NKAIN3: variants seen among roughly 807,000 people sequenced by gnomAD.
NKAIN3 encodes sodium/potassium transporting ATPase interacting 3.
In NKAIN3, 25 loss-of-function variants were observed where a neutral mutation model predicts 30.2. The ratio of observed to expected loss-of-function variants is 0.83; its 90% CI spans 0.60 to 1.16. The LOEUF (loss-of-function observed/expected upper bound fraction) is 1.16, where lower values mean the gene tolerates loss of function less well. Ranked by LOEUF, NKAIN3 falls within the 50% of genes most tolerant of loss-of-function variation. The pLI is 0.00. For synonymous variants in NKAIN3, 91 were observed against 89.6 expected (o/e 1.02, Z -0.09); for missense variants, 225 against 254.1 (o/e 0.89, Z 0.78).
intron 3 of NKAIN3, among the ~76,000 whole-genome samples, chr8:62,617,889 T>C (rs745492289): frequency 2.0e-5 from 3 of 152,222 alleles, no homozygotes; most frequent in Admixed American, 6.5e-5. Flanking sequence ...ATGAGAGATT[T>C]ATGACTAAAC....
chr8:62,415,846 C>A (rs1804428053), intron 1 of NKAIN3, among the ~76,000 whole-genome samples: 1 of 151,940 alleles, frequency 6.6e-6, no homozygotes, highest in Non-Finnish European at 1.5e-5. Flanking sequence ...CAAGCTCTGC[C>A]TCCCGGGTTC....
At chr8:62,582,147 CTTCTTCT>C (rs1428585614) in intron 2 of NKAIN3, among the ~76,000 whole-genome samples, 1 of 62,178 alleles carries the variant, frequency 1.6e-5, no homozygotes, top group East Asian at 3.6e-4. Context: ...TCCTTCCTTC[CTTCTTCT>C]TTCCCTTCCT....
intron 5 of NKAIN3, among the ~76,000 whole-genome samples, chr8:62,944,687 G>T (rs1223943151): frequency 6.6e-6 from 1 of 152,016 alleles, no homozygotes; most frequent in African/African-American, 2.4e-5. Flanking sequence ...TTTCTGCTTT[G>T]GATGGGAATA....
chr8:62,564,865 T>G (rs917432930), intron 1 of NKAIN3, among the ~76,000 whole-genome samples: 7 of 152,124 alleles, frequency 4.6e-5, no homozygotes, highest in Non-Finnish European at 5.9e-5. Context: ...GCTAAAATAT[T>G]TAGAAAATTT....
intron 1 of NKAIN3, among the ~76,000 whole-genome samples, chr8:62,525,816 T>C (rs1275402892): frequency 1.3e-5 from 2 of 152,146 alleles, no homozygotes; most frequent in African/African-American, 4.8e-5. Context: ...TTTATAGGTG[T>C]TTGTAAGATT....
chr8:62,305,233 A>T (rs1289326045), intron 1 of NKAIN3, among the ~76,000 whole-genome samples: 1 of 149,652 alleles, frequency 6.7e-6, no homozygotes, highest in Admixed American at 6.6e-5. Flanking sequence ...TTGCTTCTTT[A>T]GTTGTTGATA....
At chr8:62,332,218 G>A (rs1815379520) in intron 1 of NKAIN3, among the ~76,000 whole-genome samples, 2 of 151,916 alleles carry the variant, frequency 1.3e-5, no homozygotes, top group African/African-American at 2.4e-5. Context: ...TCTGCTTAAC[G>A]GACTTCGTTA....
At chr8:62,798,298 G>A (rs1047168072) in intron 4 of NKAIN3, among the ~76,000 whole-genome samples, 7 of 152,172 alleles carry the variant, frequency 4.6e-5, no homozygotes, top group Admixed American at 6.5e-5. Flanking sequence ...TAGGCCAGGC[G>A]TGGTGGCTCA....
chr8:62,764,516 A>G (rs1816773309), intron 4 of NKAIN3, among the ~76,000 whole-genome samples: 1 of 152,082 alleles, frequency 6.6e-6, no homozygotes, highest in African/African-American at 2.4e-5. Flanking sequence ...CCCAGGCTGG[A>G]GTGCAGTGGC....
At chr8:62,589,570 A>G (rs982590430) in intron 2 of NKAIN3, 144 bp from the exon 3 acceptor site, 5 of 475,674 alleles carry the variant, frequency 1.1e-5, no homozygotes, top group African/African-American at 1.0e-4. Flanking sequence ...AGGGGACCAC[A>G]TAGAGAGCAC....
At chr8:62,261,077 A>G (rs954128088) in intron 1 of NKAIN3, among the ~76,000 whole-genome samples, 3 of 152,150 alleles carry the variant, frequency 2.0e-5, no homozygotes, top group Admixed American at 1.3e-4. Flanking sequence ...ATTTACTAGC[A>G]TATCACCAGG....
intron 1 of NKAIN3, among the ~76,000 whole-genome samples, chr8:62,438,985 G>A (rs1805247241): frequency 6.6e-6 from 1 of 152,162 alleles, no homozygotes; most frequent in Admixed American, 6.5e-5. Flanking sequence ...AGGCCACTGT[G>A]GCTAGACCAT....
intron 1 of NKAIN3, among the ~76,000 whole-genome samples, chr8:62,435,493 A>T (rs1304768054): frequency 6.6e-6 from 1 of 152,176 alleles, no homozygotes; most frequent in Non-Finnish European, 1.5e-5. Context: ...CGAAGCCAAG[A>T]AATAATTTCA....
At chr8:62,786,094 AAAGTGCTCAATTC>A (rs1414267238) in intron 4 of NKAIN3, among the ~76,000 whole-genome samples, 1 of 152,030 alleles carries the variant, frequency 6.6e-6, no homozygotes, top group Non-Finnish European at 1.5e-5. Flanking sequence ...CAAAAAGAAA[AAAGTGCTCAATTC>A]AAGTGCTCCC....
At chr8:62,859,081 A>T (rs1419680117) in intron 4 of NKAIN3, among the ~76,000 whole-genome samples, 1 of 152,190 alleles carries the variant, frequency 6.6e-6, no homozygotes. Context: ...TGGGCTCATA[A>T]GGGGATCTCC....
chr8:62,650,800 T>C (rs1438869721), intron 3 of NKAIN3, among the ~76,000 whole-genome samples: 1 of 152,128 alleles, frequency 6.6e-6, no homozygotes, highest in Non-Finnish European at 1.5e-5. Context: ...TAGATGAGGA[T>C]AGAAATAAAG....
At chr8:62,426,773 C>T (rs964580533) in intron 1 of NKAIN3, among the ~76,000 whole-genome samples, 5 of 151,742 alleles carry the variant, frequency 3.3e-5, no homozygotes, top group African/African-American at 1.2e-4. Flanking sequence ...TTTAGTTTTC[C>T]TTTTTTTTCC....
At chr8:62,616,835 C>T (rs1399140056) in intron 3 of NKAIN3, among the ~76,000 whole-genome samples, 4 of 152,058 alleles carry the variant, frequency 2.6e-5, no homozygotes, top group Non-Finnish European at 5.9e-5. Context: ...AAAATAAACT[C>T]GGCAATATAG....
rs1443677758 is a variant in NKAIN3, at chr8:62,981,162, A to C, written c.*15755A>C. On this transcript the variant is annotated 3_prime_UTR_variant, in exon 7 of 7. Transcript: ENST00000623646. ...TTGTTCAGTGCTCATGGCCATCTACAACCTTCCTTGATTCTATTCTGCCTA... is the reference window on the plus strand; with the variant it reads ...TTGTTCAGTGCTCATGGCCATCTACCACCTTCCTTGATTCTATTCTGCCTA... The C allele has an allele frequency of 6.6e-6, 1 of 152,174 alleles. No homozygotes were observed. The highest frequency in any genetic ancestry group is 1.5e-5 in the Non-Finnish European group (1 of 68,028). 9.4% of individuals were successfully genotyped at this position (152,174 alleles called of 1,614,324 possible). A position where few individuals can be genotyped will look rare whatever the true frequency, so the allele number is the denominator to read the frequency against.
Sources: allele counts gnomAD v4.1 joint callset (sites outside exome capture counted in the v4.1 genomes callset), GRCh38; gene constraint gnomAD v4.1.1; transcripts MANE v1.5; gene names NCBI Gene and HGNC (gene_info 2026-07-23, HGNC 2026-07-21).